The following BAG5 variants were observed in gnomAD, a reference collection of about 807,000 sequenced individuals.
The protein encoded by BAG5 is BAG cochaperone 5, also known as BAG family molecular chaperone regulator 5.
BAG5 carries 25 observed loss-of-function variants against 31.8 expected under a neutral mutation model. The observed-to-expected ratio is 0.79, with a 90% confidence interval of 0.57 to 1.10. BAG5 has a LOEUF of 1.10. BAG5 is among the 50% of genes least tolerant of loss of function. The pLI is 0.00. For missense variants in BAG5, 491 were observed against 527.9 expected (o/e 0.93, Z 0.68); for synonymous variants, 208 against 205.0 (o/e 1.01, Z -0.13).
rs2076053271 is a variant in BAG5 at position 103,558,928 on chromosome 14, T to C, written c.*893A>G. The C allele has an allele frequency of 6.6e-6, 1 of 152,214 alleles. No homozygotes were observed. The highest frequency in any genetic ancestry group is 1.5e-5 in the Non-Finnish European group (1 of 68,050). 9.4% of individuals were successfully genotyped at this position (152,214 alleles called of 1,614,324 possible). A position where few individuals can be genotyped will look rare whatever the true frequency, so the allele number is the denominator to read the frequency against. On this transcript the variant is annotated 3_prime_UTR_variant, in exon 2 of 2. Coordinates refer to ENST00000299204, the MANE Select transcript of BAG5 (RefSeq NM_001015048.3). ...TGTGCTACATTCAGACTTTCTGATT[T>C]AGTTTTAGTATAACCTGACATTGGT...
chr14:103,559,777 C>A lies in BAG5; in HGVS notation c.*44G>T. ...TGAAAGCTCTCTATACATAGAAGCA[C>A]ATATGAAGTGCAAAACAGTATCAAA... On this transcript the variant is annotated 3_prime_UTR_variant, in exon 2 of 2. Coordinates refer to ENST00000299204, the MANE Select transcript of BAG5 (RefSeq NM_001015048.3). 2 of 1,584,204 alleles carry A rather than the reference C, an allele frequency of 1.3e-6. No homozygotes were observed. The highest frequency in any genetic ancestry group is 2.2e-5 in the East Asian group (1 of 44,558).
rs2076040308 is a variant in BAG5, at chr14:103,556,571, C to G, written c.*3250G>C. 1.3e-5 allele frequency: 2 copies of G among 151,908 alleles called. No individual in the cohort carries two copies. Among genetic ancestry groups the G allele is most frequent in the South Asian group, 4.1e-4 (2 of 4,824 alleles). 9.4% of individuals were successfully genotyped at this position (151,908 alleles called of 1,614,324 possible). ...CTTTCTCCACTGCAAGCGTAAGAGA[C>G]TGGTTTTATTTCAAGAATAACTAAG... On this transcript the variant is annotated 3_prime_UTR_variant, in exon 2 of 2. Coordinates refer to ENST00000299204, the MANE Select transcript of BAG5 (RefSeq NM_001015048.3).
intron 1 of BAG5, chr14:103,562,099 C>T (rs1201666953): frequency 4.6e-6 from 4 of 868,948 alleles, no homozygotes; most frequent in Middle Eastern, 2.5e-4. Context: ...TGGCCCTTTA[C>T]CCAAAAGAAG....
At chr14:103,562,342 C>T in intron 1 of BAG5, 1 of 301,230 alleles carries the variant, frequency 3.3e-6, no homozygotes. Context: ...ACAATGGGCG[C>T]GCGAGGGGAG....
Position 103,558,821 on chromosome 14 carries a change from A to G in BAG5, c.*1000T>C, listed in dbSNP as rs961768600. The G allele has an allele frequency of 3.9e-5, 6 of 152,126 alleles. No individual in the cohort carries two copies. Among genetic ancestry groups the G allele is most frequent in the African/African-American group, 1.4e-4 (6 of 41,412 alleles). The allele number at this position is 152,126 out of a possible 1,614,324, so 9.4% of individuals were successfully genotyped here. On this transcript the variant is annotated 3_prime_UTR_variant, in exon 2 of 2. Transcript: ENST00000299204. ...TCCCTCTGGGTTACTGACAGCGTCTACCCTCACGTTGTAAAACAGCACCGG... is the reference window on the plus strand; with the variant it reads ...TCCCTCTGGGTTACTGACAGCGTCTGCCCTCACGTTGTAAAACAGCACCGG...
At chr14:103,561,828 C>T in intron 1 of BAG5, 1 of 1,027,206 alleles carries the variant, frequency 9.7e-7, no homozygotes, top group Non-Finnish European at 1.5e-6. Context: ...AGGCCCAACA[C>T]CTCCTCAGCC....
Position 103,560,731 on chromosome 14 carries a change from AAGG to A in BAG5, c.431_433del (p.Ser144del). On this transcript the variant is annotated inframe_deletion, in exon 2 of 2. Transcript: ENST00000299204. The stretch of plus-strand genomic sequence containing the variant: ...TAAAGTGTGATACCTTGCTTTCCGC[AAGG>A]AGATTTTTCCTCCAGTTTTAACATG... 6.2e-7 allele frequency: 1 copy of A among 1,614,078 alleles called. No homozygotes were observed. Among genetic ancestry groups the A allele is most frequent in the Non-Finnish European group, 8.5e-7 (1 of 1,180,018 alleles).
rs1365482364 is a variant in BAG5, at chr14:103,560,554, A to G, written c.611T>C (p.Leu204Pro). 1 of 1,613,996 alleles carries G rather than the reference A, an allele frequency of 6.2e-7. No individual in the cohort carries two copies. Among genetic ancestry groups the G allele is most frequent in the Non-Finnish European group, 8.5e-7 (1 of 1,180,032 alleles). ...GGTCTCATTGTTGTTCACACCCATC[A>G]GAAGTGCAATCAGGACCCCTCGGGC... ...NKARGVLIALLMGVNNNETCR... is the reference protein window; with the variant it reads ...NKARGVLIALPMGVNNNETCR... The change falls in exon 2 of 2, where the codon CTG becomes CCG. Residue 204 changes from leucine to proline, a missense_variant. Leu to Pro is a moderately conservative substitution (Grantham distance 98, BLOSUM62 -3). Coordinates refer to ENST00000299204, the MANE Select transcript of BAG5 (RefSeq NM_001015048.3).
chr14:103,561,978 G>A (rs749976469), intron 1 of BAG5: 6 of 1,613,958 alleles, frequency 3.7e-6, no homozygotes, highest in Middle Eastern at 3.3e-4. Flanking sequence ...CAAACGGCTC[G>A]CTCAAGGTGG....
chr14:103,558,805 G>A lies in BAG5; in HGVS notation c.*1016C>T, dbSNP rs1385895628. 1 of 152,184 alleles carries A rather than the reference G, an allele frequency of 6.6e-6. No individual in the cohort carries two copies. The highest frequency in any genetic ancestry group is 2.4e-5 in the African/African-American group (1 of 41,436). 9.4% of individuals were successfully genotyped at this position (152,184 alleles called of 1,614,324 possible). On this transcript the variant is annotated 3_prime_UTR_variant, in exon 2 of 2. Coordinates refer to ENST00000299204, the MANE Select transcript of BAG5 (RefSeq NM_001015048.3). ...ACCTAGGAAGGCCTGGTCCCTCTGGGTTACTGACAGCGTCTACCCTCACGT... is the reference window on the plus strand; with the variant it reads ...ACCTAGGAAGGCCTGGTCCCTCTGGATTACTGACAGCGTCTACCCTCACGT...
Position 103,560,788 on chromosome 14 carries a change from CCTT to C in BAG5, c.374_376del (p.Glu125del). 6.2e-7 allele frequency: 1 copy of C among 1,614,034 alleles called. No homozygotes were observed. Among genetic ancestry groups the C allele is most frequent in the Non-Finnish European group, 8.5e-7 (1 of 1,180,018 alleles). On this transcript the variant is annotated inframe_deletion, in exon 2 of 2. Coordinates refer to ENST00000299204, the MANE Select transcript of BAG5 (RefSeq NM_001015048.3). Reference sequence around the variant, plus strand: ...CAGCCTCAGAATGATATCTTGGATGCCTTCTTCAAACTCATCAGTTACGCAGTT... The same window carrying C: ...CAGCCTCAGAATGATATCTTGGATGCCTTCAAACTCATCAGTTACGCAGTT...
chr14:103,558,188 C>T lies in BAG5; in HGVS notation c.*1633G>A, dbSNP rs1484630448. The T allele has an allele frequency of 1.3e-5, 2 of 152,178 alleles. No individual in the cohort carries two copies. Among genetic ancestry groups the T allele is most frequent in the African/African-American group, 2.4e-5 (1 of 41,430 alleles). The allele number at this position is 152,178 out of a possible 1,614,324, so 9.4% of individuals were successfully genotyped here. A position where few individuals can be genotyped will look rare whatever the true frequency, so the allele number is the denominator to read the frequency against. ...AATACCGACTGCCCTCTGACCCCAC[C>T]GTCCAGCGATTCTAGAACATTTCTA... On this transcript the variant is annotated 3_prime_UTR_variant, in exon 2 of 2. Coordinates refer to ENST00000299204, the MANE Select transcript of BAG5 (RefSeq NM_001015048.3).
At chr14:103,562,177 G>T in intron 1 of BAG5, 1 of 612,866 alleles carries the variant, frequency 1.6e-6, no homozygotes, top group Non-Finnish European at 2.9e-6. Context: ...CCCTTTACGG[G>T]GTGCGGCACC....
chr14:103,559,853 G>A lies in BAG5; in HGVS notation c.1312C>T (p.Leu438Phe). The A allele has an allele frequency of 6.2e-7, 1 of 1,613,802 alleles. No homozygotes were observed. The highest frequency in any genetic ancestry group is 1.1e-5 in the South Asian group (1 of 91,084). ...VRLAQNILSY[L>F]DLKSDEWEY ...TCCCATTCATCAGATTTCAGGTCGA[G>A]ATAGCTGAGAATATTCTGCGCAAGC... Residue 438 changes from leucine (L) to phenylalanine (F), a missense_variant, in exon 2 of 2, where the codon CTC becomes TTC. Leu to Phe is a conservative substitution (Grantham distance 22). Transcript: ENST00000299204.
rs1271565904 is a variant in BAG5, at chr14:103,559,645, T to G, written c.*176A>C. The G allele has an allele frequency of 2.8e-6, 2 of 709,100 alleles. No homozygotes were observed. The highest frequency in any genetic ancestry group is 4.5e-6 in the Non-Finnish European group (2 of 442,060). The allele number at this position is 709,100 out of a possible 1,614,324, so 43.9% of individuals were successfully genotyped here. Reference sequence around the variant, plus strand: ...AATGATCCGAATGGAAAAGTTAACGTGCTGTAATGATATTTGTCTTGCAAC... The same window carrying G: ...AATGATCCGAATGGAAAAGTTAACGGGCTGTAATGATATTTGTCTTGCAAC... On this transcript the variant is annotated 3_prime_UTR_variant, in exon 2 of 2. Transcript: ENST00000299204.
rs1393782334 is a variant in BAG5 at position 103,559,488 on chromosome 14, G to C, written c.*333C>G. The C allele has an allele frequency of 5.1e-5, 12 of 235,352 alleles. No homozygotes were observed. The highest frequency in any genetic ancestry group is 1.0e-4 in the Non-Finnish European group (12 of 119,074). 14.6% of individuals were successfully genotyped at this position (235,352 alleles called of 1,614,324 possible). On this transcript the variant is annotated 3_prime_UTR_variant, in exon 2 of 2. Coordinates refer to ENST00000299204, the MANE Select transcript of BAG5 (RefSeq NM_001015048.3). ...TTATGTAAGGTTATGCCTAGTTCTA[G>C]ATTCTGAAAGACCTGCATTTTAATG...
rs2076089023 is a variant in BAG5 at position 103,562,605 on chromosome 14, G to A, written c.-29+11C>T. 5.7e-6 allele frequency: 1 copy of A among 174,254 alleles called. No individual in the cohort carries two copies. The highest frequency in any genetic ancestry group is 1.2e-5 in the Non-Finnish European group (1 of 82,696). The allele number at this position is 174,254 out of a possible 1,614,324, so 10.8% of individuals were successfully genotyped here. On this transcript the variant is annotated intron_variant, in intron 1 of 1. Transcript: ENST00000299204. Reference sequence around the variant, plus strand: ...AGAGAGGGAAAAGGCTACAAGCCGCGCTTCGCTCACCTGTCCCGCCCGCGC... The same window carrying A: ...AGAGAGGGAAAAGGCTACAAGCCGCACTTCGCTCACCTGTCCCGCCCGCGC...
At chr14:103,561,867 A>T (rs764703608) in intron 1 of BAG5, 4 of 1,479,348 alleles carry the variant, frequency 2.7e-6, no homozygotes, top group Non-Finnish European at 3.8e-6. Context: ...CTCAAAAAAA[A>T]ACAACCCGCG....
chr14:103,562,106 G>A (rs1249865850), intron 1 of BAG5: 2 of 830,252 alleles, frequency 2.4e-6, no homozygotes, highest in East Asian at 4.9e-5. Flanking sequence ...TTACCCAAAA[G>A]AAGTCTGAAT....
Sources: allele counts gnomAD v4.1 joint callset, GRCh38; gene constraint gnomAD v4.1.1; transcripts MANE v1.5; gene names NCBI Gene and HGNC (gene_info 2026-07-23, HGNC 2026-07-21).